COG6: variants seen among roughly 807,000 people sequenced by gnomAD.
The protein encoded by COG6 is conserved oligomeric Golgi complex subunit 6.
In COG6, 74 loss-of-function variants were observed where a neutral mutation model predicts 88.8. The ratio of observed to expected loss-of-function variants is 0.83; its 90% CI spans 0.69 to 1.01. COG6 has a LOEUF of 1.01. Among genes scored for constraint, COG6 ranks in the 50% least tolerant of loss-of-function variants. The probability of loss-of-function intolerance (pLI) is 0.00; values close to 1 mark genes in which losing one functional copy is unlikely to be tolerated. For missense variants in COG6, 800 were observed against 797.9 expected (o/e 1.00, Z -0.03); for synonymous variants, 286 against 278.7 (o/e 1.03, Z -0.26).
chr13:39,659,630 G>T (rs1430243826), intron 2 of COG6, 123 bp downstream of exon 2: 1 of 757,470 alleles, frequency 1.3e-6, no homozygotes, highest in Admixed American at 2.5e-5. Flanking sequence ...CAAATAGAAA[G>T]CTTAGCTAAT....
In COG6 at chr13:39,752,054, C is replaced by CT. The variant is rs1566039873; in HGVS notation, c.*962dup. The CT allele has an allele frequency of 1.6e-6, 2 of 1,285,818 alleles. No homozygotes were observed. The highest frequency in any genetic ancestry group is 1.5e-5 in the African/African-American group (1 of 65,752). 79.7% of individuals were successfully genotyped at this position (1,285,818 alleles called of 1,614,324 possible). On this transcript the variant is annotated 3_prime_UTR_variant, in exon 19 of 19. Coordinates refer to ENST00000455146, the MANE Select transcript of COG6 (RefSeq NM_020751.3). ...CTTATCTCCATGTTGTAACTGGACT[C>CT]TGACTTTAGACCATTACCTATTAGG...
At chr13:39,776,210 C>G (rs1308905379) in intron 18 of COG6, among the ~76,000 whole-genome samples, 1 of 151,960 alleles carries the variant, frequency 6.6e-6, no homozygotes, top group East Asian at 1.9e-4. Flanking sequence ...TCTAGGAACT[C>G]TGAGGTGAAA....
intron 13 of COG6, among the ~76,000 whole-genome samples, chr13:39,714,012 T>C (rs999519222): frequency 6.6e-6 from 1 of 152,214 alleles, no homozygotes; most frequent in African/African-American, 2.4e-5. Flanking sequence ...GTTGAATGAC[T>C]TGAGTTCAAG....
At chr13:39,729,524 C>A (rs984056618) in intron 18 of COG6, among the ~76,000 whole-genome samples, 16 of 152,046 alleles carry the variant, frequency 1.1e-4, no homozygotes, top group Admixed American at 2.6e-4. Flanking sequence ...ATATATTATC[C>A]TTAATATATA....
At chr13:39,785,032 G>A (rs890825941) in intron 18 of COG6, among the ~76,000 whole-genome samples, 2 of 152,194 alleles carry the variant, frequency 1.3e-5, no homozygotes, top group African/African-American at 4.8e-5. Flanking sequence ...CCTTGGCCTT[G>A]ATCATGGCCA....
Position 39,723,321 on chromosome 13 carries a change from G to A in COG6, c.1585-12G>A, listed in dbSNP as rs931423355. The A allele has an allele frequency of 9.1e-6, 14 of 1,537,436 alleles. No homozygotes were observed. The African/African-American group carries it at 1.6e-4, about 18-fold the overall frequency. On this transcript the variant is annotated splice_polypyrimidine_tract_variant and intron_variant, in intron 15 of 18. Coordinates refer to ENST00000455146, the MANE Select transcript of COG6 (RefSeq NM_020751.3). ...TCTTCTTTTAAAATGTTTTCTTTGT[G>A]TTTTATTTTAGATCGAAGCACATTT...
intron 11 of COG6, among the ~76,000 whole-genome samples, chr13:39,692,920 C>T (rs1441246597): frequency 6.6e-6 from 1 of 151,996 alleles, no homozygotes; most frequent in East Asian, 1.9e-4. Context: ...TGATTTTTCC[C>T]TCCACTGTCA....
At chr13:39,673,903 A>G (rs1199982627) in intron 4 of COG6, among the ~76,000 whole-genome samples, 1 of 151,992 alleles carries the variant, frequency 6.6e-6, no homozygotes, top group Non-Finnish European at 1.5e-5. Context: ...GTGTCCTGAA[A>G]TATAATGCCT....
At chr13:39,740,859 AG>A (rs1426894653) in intron 18 of COG6, among the ~76,000 whole-genome samples, 1 of 152,156 alleles carries the variant, frequency 6.6e-6, no homozygotes, top group East Asian at 1.9e-4. Context: ...TTGGGCTTTT[AG>A]GCTTAACGCC....
At chr13:39,713,382 T>C (rs9594363) in intron 13 of COG6, among the ~76,000 whole-genome samples, 39,828 of 152,016 alleles carry the variant, frequency 0.26, 5,316 homozygotes, top group African/African-American at 0.33. Context: ...GTCTCTTCCC[T>C]AAGGGAGATT....
At position 39,679,383 on chromosome 13, in the gene COG6, C is replaced by T. The variant is rs187903595; in HGVS notation, c.541-155C>T. 1.6e-4 allele frequency: 101 copies of T among 643,058 alleles called. No homozygotes were observed. In the East Asian group the frequency reaches 2.6e-3, roughly 16 times the overall value. The allele number at this position is 643,058 out of a possible 1,614,324, so 39.8% of individuals were successfully genotyped here. The stretch of plus-strand genomic sequence containing the variant: ...AAATGTGAATAAATACCAGTTACAC[C>T]GTCTATGAAAACTTAGAGAAAGTTG... On this transcript the variant is annotated intron_variant, in intron 5 of 18. Transcript: ENST00000455146.
chr13:39,678,098 G>A (rs368066265), intron 5 of COG6: 19 of 443,360 alleles, frequency 4.3e-5, no homozygotes, highest in Admixed American at 9.7e-5. Context: ...ACAGGGTCTC[G>A]CTCTGTCAAC....
intron 12 of COG6, among the ~76,000 whole-genome samples, chr13:39,696,681 C>T (rs903774390): frequency 9.3e-5 from 14 of 150,982 alleles, no homozygotes; most frequent in Non-Finnish European, 1.5e-5. Flanking sequence ...ATTTTGAAGG[C>T]GATAGTGGAT....
intron 18 of COG6, among the ~76,000 whole-genome samples, chr13:39,768,531 A>G (rs977941281): frequency 2.6e-5 from 4 of 152,154 alleles, no homozygotes; most frequent in African/African-American, 9.7e-5. Flanking sequence ...CAGAAAAACA[A>G]ACCTGGATAA....
At chr13:39,734,328 T>A (rs1879618303) in intron 18 of COG6, among the ~76,000 whole-genome samples, 1 of 152,148 alleles carries the variant, frequency 6.6e-6, no homozygotes, top group Non-Finnish European at 1.5e-5. Flanking sequence ...ATAAATTTTT[T>A]AATTTCCTTC....
At chr13:39,675,095 ATTT>A (rs1875887865) in intron 4 of COG6, among the ~76,000 whole-genome samples, 1 of 151,334 alleles carries the variant, frequency 6.6e-6, no homozygotes, top group Non-Finnish European at 1.5e-5. Flanking sequence ...ACATATTATT[ATTT>A]ATTTATATAA....
intron 16 of COG6, among the ~76,000 whole-genome samples, chr13:39,724,263 G>A (rs371952785): frequency 1.9e-4 from 29 of 152,016 alleles, no homozygotes; most frequent in Non-Finnish European, 2.1e-4. Flanking sequence ...TTGGGTATGC[G>A]TAAACTTGAA....
At chr13:39,775,412 G>A (rs1370418455) in intron 18 of COG6, among the ~76,000 whole-genome samples, 1 of 152,170 alleles carries the variant, frequency 6.6e-6, no homozygotes, top group African/African-American at 2.4e-5. Context: ...CAACAGCTCA[G>A]TTTTCTCCAC....
At chr13:39,692,088 G>T (rs1468393291) in intron 11 of COG6, among the ~76,000 whole-genome samples, 1 of 151,966 alleles carries the variant, frequency 6.6e-6, no homozygotes, top group African/African-American at 2.4e-5. Flanking sequence ...ATAGGTAGTA[G>T]ATTAAATATT....
Sources: allele counts gnomAD v4.1 joint callset (sites outside exome capture counted in the v4.1 genomes callset), GRCh38; gene constraint gnomAD v4.1.1; transcripts MANE v1.5; gene names NCBI Gene and HGNC (gene_info 2026-07-23, HGNC 2026-07-21).